Variants in LARGE1 observed in about 807,000 individuals in gnomAD.
LARGE1 encodes LARGE xylosyl- and glucuronyltransferase 1, also known as xylosyl- and glucuronyltransferase LARGE1.
Under a neutral mutation model 87.6 loss-of-function variants are expected in LARGE1, and 43 were observed. The observed-to-expected ratio is 0.49, with a 90% CI of 0.38 to 0.63. LARGE1 has a LOEUF of 0.63. Ranked by LOEUF, LARGE1 falls within the 30% of genes least tolerant of loss-of-function variation. The pLI, the probability that LARGE1 is intolerant of heterozygous loss-of-function variation, is 0.00. For synonymous variants in LARGE1, 434 were observed against 394.6 expected (o/e 1.10, Z -1.18); for missense variants, 802 against 1,000.2 (o/e 0.80, Z 2.67).
intron 1 of LARGE1, among the ~76,000 whole-genome samples, chr22:33,801,190 A>T (rs1024370332): frequency 6.6e-6 from 1 of 152,208 alleles, no homozygotes; most frequent in Non-Finnish European, 1.5e-5. Context: ...CTCCCCAGAC[A>T]TGTGGTACTG....
In LARGE1 at chr22:33,891,582, G is replaced by C. The variant is rs139995293; in HGVS notation, c.-83+28413C>G. ...GCTTGGTTAATTTACCTGGAAAATT[G>C]ACCCAACATTAGTACCTACAACTCT... On this transcript the variant is annotated intron_variant, in intron 1 of 14. Coordinates refer to ENST00000397394, the MANE Select transcript of LARGE1 (RefSeq NM_133642.5). Among the ~76,000 whole-genome samples the C allele has an allele frequency of 3.3e-3, 505 of 152,240 alleles. 1 individual carries two copies. The highest frequency in any genetic ancestry group is 0.011 in the African/African-American group (463 of 41,526).
chr22:33,855,220 G>A (rs2063723391), intron 1 of LARGE1, among the ~76,000 whole-genome samples: 1 of 152,172 alleles, frequency 6.6e-6, no homozygotes, highest in Non-Finnish European at 1.5e-5. Flanking sequence ...TGTAGTTCCA[G>A]CTACTCGGGA....
chr22:33,736,388 T>A (rs1187382889), intron 2 of LARGE1, among the ~76,000 whole-genome samples: 1 of 152,254 alleles, frequency 6.6e-6, no homozygotes, highest in Non-Finnish European at 1.5e-5. Flanking sequence ...CAATAACTAA[T>A]GATGCTGAGC....
chr22:33,383,889 T>A (rs560126247), intron 8 of LARGE1, among the ~76,000 whole-genome samples: 10 of 152,346 alleles, frequency 6.6e-5, no homozygotes, highest in Admixed American at 2.0e-4. Flanking sequence ...CAGTAGACGC[T>A]AAGCTCTATG....
At chr22:33,401,299 A>G (rs541001784) in intron 7 of LARGE1, among the ~76,000 whole-genome samples, 5 of 152,158 alleles carry the variant, frequency 3.3e-5, no homozygotes, top group Admixed American at 2.6e-4. Context: ...AGGGTCTTTA[A>G]AAAGGTAGTT....
At position 33,564,080 on chromosome 22, in the gene LARGE1, T is replaced by C. The variant is rs888588685; in HGVS notation, c.787+768A>G. Among the ~76,000 whole-genome samples, 6 of 152,204 alleles carry C rather than the reference T, an allele frequency of 3.9e-5. 1 individual carries two copies. The highest frequency in any genetic ancestry group is 3.9e-4 in the Admixed American group (6 of 15,276). On this transcript the variant is annotated intron_variant, in intron 6 of 14. Coordinates refer to ENST00000397394, the MANE Select transcript of LARGE1 (RefSeq NM_133642.5). ...ATTTTAAACACAGAAGGGGCTAGCGTGCAATTAAAAAAATATATAAAACTA... is the reference window on the plus strand; with the variant it reads ...ATTTTAAACACAGAAGGGGCTAGCGCGCAATTAAAAAAATATATAAAACTA...
At chr22:33,497,160 C>T (rs2070177861) in intron 6 of LARGE1, among the ~76,000 whole-genome samples, 1 of 151,172 alleles carries the variant, frequency 6.6e-6, no homozygotes. Context: ...ACTGCAACCT[C>T]TGACTCCCTG....
At chr22:33,167,733 T>A (rs1240802271) in intron 11 of LARGE1, among the ~76,000 whole-genome samples, 2 of 152,212 alleles carry the variant, frequency 1.3e-5, no homozygotes, top group African/African-American at 4.8e-5. Context: ...AATTGTCATC[T>A]ACTCATTTCT....
the LARGE1 span, among the ~76,000 whole-genome samples, chr22:33,105,016 T>C: frequency 6.6e-6 from 1 of 151,764 alleles, no homozygotes; most frequent in East Asian, 1.9e-4. Flanking sequence ...CTTTCTTTTT[T>C]TGATGAAGTC....
chr22:33,302,215 C>T (rs891206784), intron 12 of LARGE1, among the ~76,000 whole-genome samples: 3 of 152,232 alleles, frequency 2.0e-5, no homozygotes, highest in Non-Finnish European at 2.9e-5. Context: ...GGCACCCTGG[C>T]TCCACACACT....
At chr22:33,203,171 G>C (rs926510395) in intron 11 of LARGE1, among the ~76,000 whole-genome samples, 9 of 151,806 alleles carry the variant, frequency 5.9e-5, no homozygotes, top group South Asian at 2.1e-4. Flanking sequence ...GACAGACAGA[G>C]AGAGGCTGGT....
At chr22:33,422,613 G>A (rs1038352609) in intron 7 of LARGE1, among the ~76,000 whole-genome samples, 5 of 151,668 alleles carry the variant, frequency 3.3e-5, no homozygotes, top group African/African-American at 1.2e-4. Flanking sequence ...TGGTTTAAGA[G>A]ATTGTACTGC....
At chr22:33,344,649 A>G (rs1243924773) in intron 9 of LARGE1, among the ~76,000 whole-genome samples, 1 of 152,128 alleles carries the variant, frequency 6.6e-6, no homozygotes, top group Non-Finnish European at 1.5e-5. Context: ...TGATATATAT[A>G]TATATTTTTA....
intron 9 of LARGE1, among the ~76,000 whole-genome samples, chr22:33,381,450 C>T (rs150682353): frequency 9.9e-5 from 15 of 152,240 alleles, no homozygotes; most frequent in African/African-American, 3.4e-4. Flanking sequence ...TGCATCTCCC[C>T]GACTGACCCA....
chr22:33,629,466 C>T (rs2080034060), intron 3 of LARGE1, among the ~76,000 whole-genome samples: 1 of 152,136 alleles, frequency 6.6e-6, no homozygotes, highest in Non-Finnish European at 1.5e-5. Context: ...CACCTGCCAC[C>T]ATGAATAAAT....
chr22:33,269,725 T>C (rs1928142327), downstream of LARGE1, among the ~76,000 whole-genome samples: 1 of 151,798 alleles, frequency 6.6e-6, no homozygotes, highest in African/African-American at 2.4e-5. Context: ...TATATTAACC[T>C]GAGCCACCGG....
rs904681006 is a variant in LARGE1, at chr22:33,209,395, G to A, written c.1731-42563C>T. ...GATAGTATATTATGAGACTCACACA[G>A]GGTGCCACATAAAATGTATGTTTGT... On this transcript the variant is annotated intron_variant, in intron 11 of 11. Transcript: ENST00000608642. Among the ~76,000 whole-genome samples, 3 of 152,298 alleles carry A rather than the reference G, an allele frequency of 2.0e-5. No individual in the cohort carries two copies. In the East Asian group the frequency reaches 5.8e-4, roughly 29 times the overall value.
chr22:33,477,911 G>A (rs906997448), intron 6 of LARGE1, among the ~76,000 whole-genome samples: 6 of 152,092 alleles, frequency 3.9e-5, no homozygotes, highest in South Asian at 2.1e-4. Flanking sequence ...CTCTTTCTAC[G>A]TTTCTCAAAT....
intron 11 of LARGE1, among the ~76,000 whole-genome samples, chr22:33,186,368 G>T (rs1923475456): frequency 6.6e-6 from 1 of 152,126 alleles, no homozygotes; most frequent in African/African-American, 2.4e-5. Context: ...CATTTGAGAA[G>T]TAGCTACTGC....
Sources: allele counts gnomAD v4.1 joint callset (sites outside exome capture counted in the v4.1 genomes callset), GRCh38; gene constraint gnomAD v4.1.1; transcripts MANE v1.5; gene names NCBI Gene and HGNC (gene_info 2026-07-23, HGNC 2026-07-21).